The following ATG4C variants were observed in gnomAD, a reference collection of about 807,000 sequenced individuals.
ATG4C encodes cysteine protease ATG4C.
A neutral mutation model predicts 57.6 loss-of-function variants in ATG4C; 56 were observed. The observed-to-expected ratio is 0.97, with a 90% confidence interval of 0.78 to 1.21. ATG4C has a LOEUF of 1.21. Ranked by LOEUF, ATG4C falls within the 50% of genes most tolerant of loss-of-function variation. The probability of loss-of-function intolerance (pLI) is 0.00; values close to 1 mark genes in which losing one functional copy is unlikely to be tolerated. For missense variants in ATG4C, 595 were observed against 529.8 expected (o/e 1.12, Z -1.21); for synonymous variants, 157 against 174.1 (o/e 0.90, Z 0.78).
intron 1 of ATG4C, among the ~76,000 whole-genome samples, chr1:62,798,356 C>T (rs1309081319): frequency 6.6e-6 from 1 of 152,088 alleles, no homozygotes; most frequent in Non-Finnish European, 1.5e-5. Flanking sequence ...ATATTAGGTA[C>T]TAAATTCTTA....
At chr1:62,786,578 G>A (rs748085622) in intron 1 of ATG4C, among the ~76,000 whole-genome samples, 15 of 151,122 alleles carry the variant, frequency 9.9e-5, no homozygotes, top group Admixed American at 2.6e-4. Context: ...TAATTGGTGA[G>A]CCTTATAAAG....
At chr1:62,821,024 T>G (rs1665463364) in intron 5 of ATG4C, 115 bp from the exon 6 acceptor site, 7 of 675,020 alleles carry the variant, frequency 1.0e-5, no homozygotes, top group Non-Finnish European at 1.7e-5. Context: ...GCAGACACTA[T>G]GAGTTAAATA....
intron 10 of ATG4C, among the ~76,000 whole-genome samples, chr1:62,858,032 G>T (rs954254313): frequency 1.3e-5 from 2 of 152,096 alleles, no homozygotes; most frequent in South Asian, 4.1e-4. Flanking sequence ...CTAAACACTT[G>T]GGGTTTCAAC....
rs1665282049 is a variant in ATG4C at position 62,816,641 on chromosome 1, T to C, written c.227T>C (p.Val76Ala). Reference sequence around the variant, plus strand: ...GAGGATCACGTAATTGCAGGAAATGTAGAAGAATTTCGTAAAGATTTCATT... The same window carrying C: ...GAGGATCACGTAATTGCAGGAAATGCAGAAGAATTTCGTAAAGATTTCATT... ...TIEDHVIAGN[V>A]EEFRKDFISR... The change falls in exon 4 of 11, where the codon GTA becomes GCA. Residue 76 changes from valine to alanine, a missense_variant. By Grantham distance (64) the Val-to-Ala change is moderately conservative. Transcript: ENST00000317868. 1.9e-6 allele frequency: 3 copies of C among 1,613,750 alleles called. No homozygotes were observed. The South Asian group carries it at 3.3e-5, about 18-fold the overall frequency.
intron 9 of ATG4C, among the ~76,000 whole-genome samples, chr1:62,838,551 G>T (rs1448775092): frequency 1.3e-5 from 2 of 152,138 alleles, no homozygotes; most frequent in Non-Finnish European, 2.9e-5. Flanking sequence ...GCCAAGGCAG[G>T]TGGATCACCT....
chr1:62,846,737 A>G (rs965199404), intron 10 of ATG4C, among the ~76,000 whole-genome samples: 1 of 152,104 alleles, frequency 6.6e-6, no homozygotes, highest in African/African-American at 2.4e-5. Flanking sequence ...GAATCAGACC[A>G]CTTTTCACCA....
intron 1 of ATG4C, among the ~76,000 whole-genome samples, chr1:62,801,541 G>A (rs932558865): frequency 4.6e-5 from 7 of 152,174 alleles, no homozygotes; most frequent in African/African-American, 1.7e-4. Context: ...GGGAGACCAA[G>A]GTGGGTGGAT....
At chr1:62,863,891 G>C in intron 10 of ATG4C, 101 bp from the exon 11 acceptor site, 1 of 795,748 alleles carries the variant, frequency 1.3e-6, no homozygotes. Flanking sequence ...AATGAAAGAA[G>C]CTAACAGGAG....
rs1665946470 is a variant in ATG4C, at chr1:62,834,773, T to C, written c.1013-3T>C. The C allele has an allele frequency of 6.2e-7, 1 of 1,609,892 alleles. No individual in the cohort carries two copies. Among genetic ancestry groups the C allele is most frequent in the East Asian group, 2.2e-5 (1 of 44,720 alleles). Reference sequence around the variant, plus strand: ...TTACTTGTCTTCTGTTTTGTCCTTGTAGATGACAGTTTGATTTACATGGAT... The same window carrying C: ...TTACTTGTCTTCTGTTTTGTCCTTGCAGATGACAGTTTGATTTACATGGAT... On this transcript the variant is annotated splice_polypyrimidine_tract_variant and splice_region_variant and intron_variant, in intron 8 of 10. Coordinates refer to ENST00000317868, the MANE Select transcript of ATG4C (RefSeq NM_032852.4).
intron 10 of ATG4C, among the ~76,000 whole-genome samples, chr1:62,848,077 A>C (rs1666384345): frequency 6.6e-6 from 1 of 152,162 alleles, no homozygotes; most frequent in Non-Finnish European, 1.5e-5. Context: ...TATGGTTTTT[A>C]AATTACAGAA....
At chr1:62,823,124 C>A (rs1220921585) in intron 6 of ATG4C, among the ~76,000 whole-genome samples, 1 of 152,184 alleles carries the variant, frequency 6.6e-6, no homozygotes, top group Non-Finnish European at 1.5e-5. Flanking sequence ...CACTGCACTC[C>A]AGCCTGGGCA....
At chr1:62,807,187 C>T (rs1664909234) in intron 3 of ATG4C, among the ~76,000 whole-genome samples, 1 of 152,164 alleles carries the variant, frequency 6.6e-6, no homozygotes, top group East Asian at 1.9e-4. Flanking sequence ...TTTCTGCCCC[C>T]TGTTCCTGAC....
At position 62,821,129 on chromosome 1, in the gene ATG4C, A is replaced by G; in HGVS notation, c.726-10A>G. On this transcript the variant is annotated splice_polypyrimidine_tract_variant and intron_variant, in intron 5 of 10. Coordinates refer to ENST00000317868, the MANE Select transcript of ATG4C (RefSeq NM_032852.4). ...AGGATTTTGAAAGATAATGCTTGTT[A>G]TTTTCTCAGAAAAGCAGTTGAAGAA... 5 of 1,582,498 alleles carry G rather than the reference A, an allele frequency of 3.2e-6. No homozygotes were observed. Among genetic ancestry groups the G allele is most frequent in the South Asian group, 2.3e-5 (2 of 85,406 alleles).
chr1:62,813,906 G>A lies in ATG4C; in HGVS notation c.161-2669G>A, dbSNP rs138483675. Among the ~76,000 whole-genome samples the A allele has an allele frequency of 3.8e-3, 579 of 152,220 alleles. 5 individuals are homozygous for A. Among genetic ancestry groups the A allele is most frequent in the African/African-American group, 0.013 (521 of 41,544 alleles). On this transcript the variant is annotated intron_variant, in intron 3 of 10. Transcript: ENST00000317868. ...AAACCACAATGAGATACCATCTCAC[G>A]CCAGTTAGAATGGTGATCATTAAAA... is the stretch of plus-strand genomic sequence containing the variant.
At chr1:62,788,992 C>T (rs1664178086) in intron 1 of ATG4C, among the ~76,000 whole-genome samples, 2 of 151,914 alleles carry the variant, frequency 1.3e-5, no homozygotes. Context: ...CTTAGTTTAG[C>T]CAGATTTTTA....
intron 1 of ATG4C, among the ~76,000 whole-genome samples, chr1:62,795,696 A>ATGG (rs1389777802): frequency 6.6e-6 from 1 of 152,110 alleles, no homozygotes; most frequent in Non-Finnish European, 1.5e-5. Context: ...GGGGATGGTG[A>ATGG]TGGATGCCCG....
chr1:62,816,661 T>C lies in ATG4C; in HGVS notation c.247T>C (p.Phe83Leu). 3.7e-6 allele frequency: 6 copies of C among 1,613,816 alleles called. No homozygotes were observed. Among genetic ancestry groups the C allele is most frequent in the Non-Finnish European group, 5.1e-6 (6 of 1,179,836 alleles). The change falls in exon 4 of 11, where the codon TTC (phenylalanine) becomes CTC (leucine). Residue 83 changes from phenylalanine to leucine, a missense_variant. Transcript: ENST00000317868. ...AAATGTAGAAGAATTTCGTAAAGATTTCATTTCTAGAATATGGCTGACCTA... is the reference window on the plus strand; with the variant it reads ...AAATGTAGAAGAATTTCGTAAAGATCTCATTTCTAGAATATGGCTGACCTA... The part of the protein sequence containing the change: ...AGNVEEFRKD[F>L]ISRIWLTYRE...
At chr1:62,840,465 CTT>C (rs1220054819) in intron 9 of ATG4C, among the ~76,000 whole-genome samples, 1 of 152,120 alleles carries the variant, frequency 6.6e-6, no homozygotes, top group Admixed American at 6.5e-5. Flanking sequence ...AATATACAGT[CTT>C]ATGTTCTTTT....
At chr1:62,810,660 T>G (rs1295085701) in intron 3 of ATG4C, among the ~76,000 whole-genome samples, 3 of 152,086 alleles carry the variant, frequency 2.0e-5, no homozygotes, top group Non-Finnish European at 2.9e-5. Context: ...CAGACCCACT[T>G]TGTACTTTTC....
Sources: allele counts gnomAD v4.1 joint callset (sites outside exome capture counted in the v4.1 genomes callset), GRCh38; gene constraint gnomAD v4.1.1; transcripts MANE v1.5; gene names NCBI Gene and HGNC (gene_info 2026-07-23, HGNC 2026-07-21).